Variants in ERAP1 observed in about 807,000 individuals in gnomAD.
ERAP1 encodes adipocyte-derived leucine aminopeptidase.
In ERAP1, 86 loss-of-function variants were observed where a neutral mutation model predicts 103.7. The observed-to-expected ratio is 0.83, with a 90% CI of 0.70 to 0.99. ERAP1 has a LOEUF of 0.99. Ranked by LOEUF, ERAP1 falls within the 50% of genes least tolerant of loss-of-function variation. ERAP1 has a pLI of 0.00. For synonymous variants in ERAP1, 398 were observed against 402.4 expected, an observed-to-expected ratio of 0.99 and a Z score of 0.13; for missense variants, 1,009 against 1,128.4, an observed-to-expected ratio of 0.89 and a Z score of 1.52.
Position 96,790,578 on chromosome 5 carries a change from TAC to T in ERAP1, c.1384_1385del (p.Val462ThrfsTer7), listed in dbSNP as rs1334325338. On this transcript the variant is annotated frameshift_variant, in exon 9 of 19. Coordinates refer to ENST00000443439, the MANE Select transcript of ERAP1 (RefSeq NM_001040458.3). LOFTEE classifies it high-confidence loss of function. The stretch of plus-strand genomic sequence containing the variant: ...TATAGCTATGCTTCTGGAGATACTG[TAC>T]AATACCACTTTTAAATGCGTCAGCA... ...LSADAFKSGI[V>X]QYLQKHSYKN... 1.9e-6 allele frequency: 3 copies of T among 1,613,012 alleles called. No individual in the cohort carries two copies. The highest frequency in any genetic ancestry group is 2.5e-6 in the Non-Finnish European group (3 of 1,178,952).
the ERAP1 span, chr5:96,912,669 C>T: frequency 1.2e-6 from 2 of 1,610,538 alleles, no homozygotes; most frequent in Non-Finnish European, 1.7e-6. Flanking sequence ...ATTGTGTATT[C>T]TGTGGGTGCT....
At chr5:96,766,207 C>A in intron 19 of ERAP1, 1 of 916,496 alleles carries the variant, frequency 1.1e-6, no homozygotes, top group Non-Finnish European at 1.8e-6. Flanking sequence ...TTCAAACCTC[C>A]CTTGAAATAA....
chr5:96,903,546 G>A, the ERAP1 span: 5 of 1,596,576 alleles, frequency 3.1e-6, no homozygotes, highest in Admixed American at 1.8e-5. Context: ...TTCATGATGT[G>A]TTTCAGCTAG....
chr5:96,920,498 A>G, the ERAP1 span, among the ~76,000 whole-genome samples: 1 of 152,082 alleles, frequency 6.6e-6, no homozygotes, highest in African/African-American at 2.4e-5. Context: ...GGTCTTTTAA[A>G]TTTTTTGTTT....
At chr5:96,799,130 T>A (rs1777698159) in intron 3 of ERAP1, among the ~76,000 whole-genome samples, 1 of 152,122 alleles carries the variant, frequency 6.6e-6, no homozygotes, top group South Asian at 2.1e-4. Context: ...CCTCCCAAAG[T>A]GCCGAGATTA....
the ERAP1 span, among the ~76,000 whole-genome samples, chr5:96,872,004 A>G: frequency 6.6e-6 from 1 of 152,186 alleles, no homozygotes; most frequent in East Asian, 1.9e-4. Flanking sequence ...ATACTAACAT[A>G]AACTTTCACT....
chr5:96,843,926 C>T, the ERAP1 span, among the ~76,000 whole-genome samples: 3 of 152,184 alleles, frequency 2.0e-5, no homozygotes, highest in East Asian at 1.9e-4. Flanking sequence ...TATGAGCCCT[C>T]GCTTCAAGAT....
the ERAP1 span, chr5:96,919,471 T>C: frequency 2.0e-5 from 3 of 152,354 alleles, no homozygotes; most frequent in East Asian, 5.6e-4. Flanking sequence ...GTAAATTAAA[T>C]AGTGAAATGT....
chr5:96,815,412 T>TG, the ERAP1 span, among the ~76,000 whole-genome samples: 12 of 118,246 alleles, frequency 1.0e-4, no homozygotes, highest in Non-Finnish European at 1.9e-4. Flanking sequence ...GTTTTGTTTT[T>TG]TATTTTTTTT....
chr5:96,765,327 TAAAAAAAAAAA>T, intron 19 of ERAP1: 4 of 511,386 alleles, frequency 7.8e-6, no homozygotes, highest in Non-Finnish European at 1.2e-5. Flanking sequence ...AAAGTAAAGG[TAAAAAAAAAAA>T]AAAAAAAAAA....
rs762154514 is a variant in ERAP1, at chr5:96,785,783, A to G, written c.1943+5T>C. ...TAAACCGCGACTTTGTGCAGCGTGT[A>G]TTACCTGACGAGCTGAAATGCATTG... On this transcript the variant is annotated splice_donor_5th_base_variant and intron_variant, in intron 13 of 18. Coordinates refer to ENST00000443439, the MANE Select transcript of ERAP1 (RefSeq NM_001040458.3). 6.2e-7 allele frequency: 1 copy of G among 1,614,042 alleles called. No homozygotes were observed. The highest frequency in any genetic ancestry group is 2.2e-5 in the East Asian group (1 of 44,884).
At position 96,776,434 on chromosome 5, in the gene ERAP1, T is replaced by G. The variant is rs746218788; in HGVS notation, c.2788A>C (p.Arg930=). Residue 930 remains arginine (R), a synonymous_variant, in exon 19 of 19, where the codon AGA becomes CGA. Transcript: ENST00000443439. ...AGCTTTTCACTTTGCAGCCACACTC[T>G]GATTTTATCAAAATTCTTATCCATC... is the stretch of plus-strand genomic sequence containing the variant. ...GWMDKNFDKI[R]VWLQSEKLER... 3 of 1,613,830 alleles carry G rather than the reference T, an allele frequency of 1.9e-6. No individual in the cohort carries two copies. Among genetic ancestry groups the G allele is most frequent in the Non-Finnish European group, 2.5e-6 (3 of 1,179,938 alleles).
chr5:96,853,572 C>T, the ERAP1 span, among the ~76,000 whole-genome samples: 5 of 152,082 alleles, frequency 3.3e-5, no homozygotes, highest in Admixed American at 3.3e-4. Context: ...CAGCTACAAT[C>T]AACTTAATTT....
chr5:96,908,255 C>T, the ERAP1 span, among the ~76,000 whole-genome samples: 1 of 152,248 alleles, frequency 6.6e-6, no homozygotes, highest in South Asian at 2.1e-4. Context: ...AACATAGCCT[C>T]CCAGAAACAC....
intron 19 of ERAP1, chr5:96,769,050 G>A (rs1490499721): frequency 6.6e-6 from 1 of 152,194 alleles, no homozygotes; most frequent in East Asian, 1.9e-4. Context: ...CAACAAGTGT[G>A]AGGCATTTTC....
intron 8 of ERAP1, 72 bp from the exon 9 acceptor site, chr5:96,790,715 G>A: frequency 7.1e-7 from 1 of 1,406,330 alleles, no homozygotes; most frequent in Admixed American, 1.8e-5. Flanking sequence ...ATATTCTTTT[G>A]CAATAAAACA....
the ERAP1 span, among the ~76,000 whole-genome samples, chr5:96,852,950 C>T: frequency 1.3e-5 from 2 of 152,024 alleles, no homozygotes; most frequent in East Asian, 1.9e-4. Flanking sequence ...TGTACTCTAC[C>T]CACAATGAGG....
chr5:96,910,728 T>C, the ERAP1 span, among the ~76,000 whole-genome samples: 1 of 152,248 alleles, frequency 6.6e-6, no homozygotes. Flanking sequence ...AATATGTGAT[T>C]AAATATTGTT....
chr5:96,815,378 G>GTGT, the ERAP1 span, among the ~76,000 whole-genome samples: 68 of 149,754 alleles, frequency 4.5e-4, no homozygotes, highest in African/African-American at 1.1e-3. Context: ...AACTATTAAG[G>GTGT]TGTTGTTGTT....
Sources: allele counts gnomAD v4.1 joint callset (sites outside exome capture counted in the v4.1 genomes callset), GRCh38; gene constraint gnomAD v4.1.1; transcripts MANE v1.5; gene names NCBI Gene and HGNC (gene_info 2026-07-23, HGNC 2026-07-21).